Variants in SIMC1 observed in about 807,000 individuals in gnomAD.
SIMC1 encodes SUMO interacting motifs containing 1, also known as SUMO-interacting motif-containing protein 1.
A neutral mutation model predicts 82.3 loss-of-function variants in SIMC1; 55 were observed. The ratio of observed to expected loss-of-function variants is 0.67; its 90% CI spans 0.54 to 0.84. The LOEUF (loss-of-function observed/expected upper bound fraction) is 0.84, where lower values mean the gene tolerates loss of function less well. Among genes scored for constraint, SIMC1 ranks in the 40% least tolerant of loss-of-function variants. SIMC1 has a pLI of 0.00. For synonymous variants in SIMC1, 353 were observed against 426.3 expected (o/e 0.83, Z 2.12); for missense variants, 915 against 1,107.2 (o/e 0.83, Z 2.46).
intron 1 of SIMC1, among the ~76,000 whole-genome samples, chr5:176,248,802 GT>G: frequency 6.6e-6 from 1 of 152,064 alleles, no homozygotes; most frequent in Non-Finnish European, 1.5e-5. Flanking sequence ...TTTATGGAGA[GT>G]TTTTAGCATG....
At chr5:176,335,317 C>T (rs1023147332) in intron 7 of SIMC1, among the ~76,000 whole-genome samples, 2 of 125,708 alleles carry the variant, frequency 1.6e-5, no homozygotes, top group African/African-American at 6.1e-5. Context: ...CGCTGTGTTG[C>T]CCAGGCTGGA....
chr5:176,263,452 G>A lies in SIMC1; in HGVS notation c.129+24815G>A, dbSNP rs2560154. 38 of 1,547,666 alleles carry A rather than the reference G, an allele frequency of 2.5e-5. 1 individual carries two copies. In the South Asian group the frequency reaches 2.5e-4, roughly 10 times the overall value. On this transcript the variant is annotated intron_variant, in intron 1 of 9. Coordinates refer to ENST00000429602, the MANE Select transcript of SIMC1 (RefSeq NM_001308195.2). ...AAGCATGGCACCAGCATCTGCTTCTGGTGAGGACCTCAGGAAGCTTCCAAC... is the reference window on the plus strand; with the variant it reads ...AAGCATGGCACCAGCATCTGCTTCTAGTGAGGACCTCAGGAAGCTTCCAAC...
At chr5:176,298,338 G>A (rs969162920) in intron 4 of SIMC1, among the ~76,000 whole-genome samples, 5 of 152,272 alleles carry the variant, frequency 3.3e-5, no homozygotes, top group East Asian at 1.9e-4. Flanking sequence ...CACCCACCTC[G>A]ACCTCCCAAG....
At position 176,331,525 on chromosome 5, in the gene SIMC1, G is replaced by A. The variant is rs60526029; in HGVS notation, c.2172-5195G>A. Among the ~76,000 whole-genome samples the A allele has an allele frequency of 2.0e-5, 3 of 151,240 alleles. No individual in the cohort carries two copies. The East Asian group carries it at 6.1e-4, about 31-fold the overall frequency. On this transcript the variant is annotated intron_variant, in intron 7 of 9. Coordinates refer to ENST00000429602, the MANE Select transcript of SIMC1 (RefSeq NM_001308195.2). ...GGAAAGGGTTTCACCATGTTGGCCAGGCTGGTCTCGAACTCCTGTCCTCAA... is the reference window on the plus strand; with the variant it reads ...GGAAAGGGTTTCACCATGTTGGCCAAGCTGGTCTCGAACTCCTGTCCTCAA...
At chr5:176,304,612 G>A (rs1239525572) in intron 4 of SIMC1, among the ~76,000 whole-genome samples, 10 of 146,444 alleles carry the variant, frequency 6.8e-5, no homozygotes, top group Non-Finnish European at 1.2e-4. Context: ...CCGCCACCCC[G>A]TCTGGGAAGT....
At chr5:176,248,629 A>G (rs1761534022) in intron 1 of SIMC1, among the ~76,000 whole-genome samples, 1 of 152,190 alleles carries the variant, frequency 6.6e-6, no homozygotes, top group Non-Finnish European at 1.5e-5. Flanking sequence ...CCTGGCCAGA[A>G]CTTCCAATAC....
chr5:176,282,786 G>A (rs1763073779), intron 1 of SIMC1, among the ~76,000 whole-genome samples: 1 of 152,218 alleles, frequency 6.6e-6, no homozygotes, highest in South Asian at 2.1e-4. Context: ...GAAAAGATTA[G>A]ACGAATGGCT....
At chr5:176,333,387 A>C (rs1765750097) in intron 7 of SIMC1, among the ~76,000 whole-genome samples, 1 of 152,108 alleles carries the variant, frequency 6.6e-6, no homozygotes, top group African/African-American at 2.4e-5. Flanking sequence ...CACTCAGCAT[A>C]ATTCCCTGGT....
intron 1 of SIMC1, among the ~76,000 whole-genome samples, chr5:176,287,588 C>T (rs1033779446): frequency 2.0e-4 from 31 of 151,546 alleles, no homozygotes; most frequent in African/African-American, 7.0e-4. Flanking sequence ...ATGTAACAAA[C>T]CTGCATGTTG....
rs555817965 is a variant in SIMC1, at chr5:176,273,905, T to C, written c.130-15749T>C. On this transcript the variant is annotated intron_variant, in intron 1 of 9. Transcript: ENST00000429602. ...ACATTTTCTTAATCCAGTCTATCAT[T>C]GTTGGACATTTGGGTTGGTTCCAAG... 1.4e-3 allele frequency among the ~76,000 whole-genome samples: 217 copies of C among 152,092 alleles called. 1 individual carries two copies. The highest frequency in any genetic ancestry group is 2.5e-3 in the South Asian group (12 of 4,802).
At chr5:176,305,707 G>T (rs1764318674) in intron 4 of SIMC1, among the ~76,000 whole-genome samples, 1 of 81,164 alleles carries the variant, frequency 1.2e-5, no homozygotes, top group Non-Finnish European at 2.8e-5. Flanking sequence ...GGAGGGAGGT[G>T]GGGGGGTCAG....
At chr5:176,282,069 T>C (rs1199827591) in intron 1 of SIMC1, among the ~76,000 whole-genome samples, 2 of 152,266 alleles carry the variant, frequency 1.3e-5, no homozygotes, top group African/African-American at 4.8e-5. Context: ...CTCCTTGAGC[T>C]GTGGTGGGCT....
intron 9 of SIMC1, among the ~76,000 whole-genome samples, chr5:176,343,881 C>T (rs1766271583): frequency 6.6e-6 from 1 of 152,060 alleles, no homozygotes; most frequent in Non-Finnish European, 1.5e-5. Context: ...ACAACCTCCA[C>T]CTCCCGGGTT....
At chr5:176,241,915 C>G (rs1307025873) in intron 1 of SIMC1, among the ~76,000 whole-genome samples, 1 of 151,936 alleles carries the variant, frequency 6.6e-6, no homozygotes, top group African/African-American at 2.4e-5. Flanking sequence ...ACATCTCAAG[C>G]GATTCAGCTT....
chr5:176,293,004 G>A (rs773643309), intron 2 of SIMC1, among the ~76,000 whole-genome samples: 11 of 152,042 alleles, frequency 7.2e-5, no homozygotes, highest in Non-Finnish European at 1.6e-4. Flanking sequence ...TGAAGTTTAC[G>A]CCACGTGTGT....
chr5:176,288,956 T>C (rs1000318589), intron 1 of SIMC1, among the ~76,000 whole-genome samples: 2 of 152,162 alleles, frequency 1.3e-5, no homozygotes, highest in Admixed American at 1.3e-4. Flanking sequence ...GAAGTTTTCA[T>C]TAATTTACTT....
intron 1 of SIMC1, among the ~76,000 whole-genome samples, chr5:176,270,862 G>C (rs1260325055): frequency 6.6e-6 from 1 of 152,168 alleles, no homozygotes; most frequent in African/African-American, 2.4e-5. Flanking sequence ...GGGCTAAGGT[G>C]CTCTGGGGTG....
chr5:176,281,953 C>T (rs930507541), intron 1 of SIMC1, among the ~76,000 whole-genome samples: 2 of 152,212 alleles, frequency 1.3e-5, no homozygotes, highest in Non-Finnish European at 2.9e-5. Flanking sequence ...CCACTGCTCT[C>T]TTCAAAGCTG....
intron 1 of SIMC1, among the ~76,000 whole-genome samples, chr5:176,283,289 C>G (rs1016335353): frequency 1.3e-5 from 2 of 152,256 alleles, no homozygotes; most frequent in South Asian, 2.1e-4. Context: ...GTTGGGTTAC[C>G]CACAAAGGGA....
Sources: gnomAD v4.1 joint callset for allele counts (sites outside exome capture counted in the v4.1 genomes callset) on GRCh38, gnomAD v4.1.1 for gene constraint, MANE v1.5 for transcripts, NCBI Gene and HGNC (gene_info 2026-07-23, HGNC 2026-07-21) for gene names.